The following ITGA9 variants were observed in gnomAD, a reference collection of about 807,000 sequenced individuals.
The protein encoded by ITGA9 is integrin subunit alpha 9.
Under a neutral mutation model 127.8 loss-of-function variants are expected in ITGA9, and 56 were observed. The ratio of observed to expected loss-of-function variants is 0.44; its 90% confidence interval spans 0.35 to 0.55. ITGA9 has a LOEUF of 0.55. Among genes scored for constraint, ITGA9 ranks in the 20% least tolerant of loss-of-function variants. The pLI, the probability that ITGA9 is intolerant of heterozygous loss-of-function variation, is 0.00. For missense variants in ITGA9, 1,196 were observed against 1,347.1 expected (o/e 0.89, Z 1.76); for synonymous variants, 508 against 514.5 (o/e 0.99, Z 0.17).
intron 25 of ITGA9, among the ~76,000 whole-genome samples, chr3:37,780,238 G>A (rs183744322): frequency 5.1e-4 from 78 of 152,182 alleles, no homozygotes; most frequent in Middle Eastern, 3.4e-3. Context: ...ATATTGTATC[G>A]TGATGAAATC....
chr3:37,465,255 T>G (rs1698356982), intron 1 of ITGA9, among the ~76,000 whole-genome samples: 1 of 152,164 alleles, frequency 6.6e-6, no homozygotes, highest in Non-Finnish European at 1.5e-5. Flanking sequence ...AGAATTTACC[T>G]GCAGATTACC....
chr3:37,556,209 C>T (rs1242903803), intron 15 of ITGA9, among the ~76,000 whole-genome samples: 2 of 152,202 alleles, frequency 1.3e-5, no homozygotes, highest in Non-Finnish European at 2.9e-5. Context: ...TTCACCTTTA[C>T]TGCTGAGCTT....
At chr3:37,732,881 TGAG>T in intron 19 of ITGA9, 83 bp downstream of exon 19, 2 of 1,058,674 alleles carry the variant, frequency 1.9e-6, no homozygotes, top group Non-Finnish European at 2.9e-6. Flanking sequence ...CTCCCTGAGG[TGAG>T]GAGTCCTCCC....
At chr3:37,562,644 G>A (rs74874065) in intron 15 of ITGA9, among the ~76,000 whole-genome samples, 125 of 152,264 alleles carry the variant, frequency 8.2e-4, no homozygotes, top group African/African-American at 2.8e-3. Context: ...CTCTTGGAGC[G>A]ATAGCTGGCT....
rs182756819 is a variant in ITGA9, at chr3:37,653,813, G to A, written c.1916+23G>A. The A allele has an allele frequency of 4.0e-3, 6,390 of 1,584,986 alleles. 30 individuals are homozygous for A. The highest frequency in any genetic ancestry group is 0.014 in the Middle Eastern group (86 of 6,012). On this transcript the variant is annotated intron_variant, in intron 17 of 27. Coordinates refer to ENST00000264741, the MANE Select transcript of ITGA9 (RefSeq NM_002207.3). ...CAGGTATGTCGGTGTTTCCTTCAGA[G>A]CATTGTTCTCAGGCTCCTTTTTCTT...
At position 37,707,792 on chromosome 3, in the gene ITGA9, G is replaced by A. The variant is rs6768282; in HGVS notation, c.2067+23777G>A. On this transcript the variant is annotated intron_variant, in intron 18 of 27. Transcript: ENST00000264741. ...GGATGTCAGTTCTACTTCTCCTTGG[G>A]GCTTTAACTAAAAAGGAAGAATTGT... Among the ~76,000 whole-genome samples, 1,063 of 152,176 alleles carry A rather than the reference G, an allele frequency of 7.0e-3. 15 individuals are homozygous for A. The highest frequency in any genetic ancestry group is 0.024 in the African/African-American group (993 of 41,498).
At position 37,736,103 on chromosome 3, in the gene ITGA9, C is replaced by A. The variant is rs151020754; in HGVS notation, c.2155-801C>A. On this transcript the variant is annotated intron_variant, in intron 19 of 27. Transcript: ENST00000264741. The stretch of plus-strand genomic sequence containing the variant: ...AGAGAGAGAGATCTCTTTGTCTTCT[C>A]TTCTTCTGAGTGCACTAATTCCATC... Among the ~76,000 whole-genome samples the A allele has an allele frequency of 1.7e-3, 266 of 152,298 alleles. 3 individuals are homozygous for A. The highest frequency in any genetic ancestry group is 6.2e-3 in the African/African-American group (258 of 41,556).
At chr3:37,488,705 C>T (rs560962465) in intron 4 of ITGA9, among the ~76,000 whole-genome samples, 7 of 150,712 alleles carry the variant, frequency 4.6e-5, no homozygotes, top group South Asian at 4.2e-4. Context: ...GGGTGAGGCA[C>T]GAGAATCACT....
intron 18 of ITGA9, among the ~76,000 whole-genome samples, chr3:37,730,261 A>C (rs754262138): frequency 1.3e-5 from 2 of 152,230 alleles, no homozygotes; most frequent in Non-Finnish European, 2.9e-5. Context: ...CCAGGAAACC[A>C]AGAGAACTAA....
chr3:37,582,754 T>C (rs2212035), intron 15 of ITGA9, among the ~76,000 whole-genome samples: 96,678 of 151,992 alleles, frequency 0.64, 31,065 homozygotes, highest in East Asian at 0.74. Context: ...GATTGGCTGA[T>C]TTTTGGACCC....
intron 15 of ITGA9, among the ~76,000 whole-genome samples, chr3:37,547,867 G>A (rs982740922): frequency 1.2e-4 from 19 of 152,192 alleles, no homozygotes; most frequent in Non-Finnish European, 1.8e-4. Flanking sequence ...AAGAAAGGAT[G>A]TCTTTCAGCT....
chr3:37,739,925 G>A (rs1416336761), intron 20 of ITGA9, among the ~76,000 whole-genome samples: 1 of 152,178 alleles, frequency 6.6e-6, no homozygotes, highest in Non-Finnish European at 1.5e-5. Flanking sequence ...GGGAAAGGAA[G>A]GACAAGGAAG....
intron 8 of ITGA9, among the ~76,000 whole-genome samples, chr3:37,511,100 G>A (rs755246290): frequency 2.0e-5 from 3 of 152,052 alleles, no homozygotes; most frequent in Non-Finnish European, 2.9e-5. Context: ...GCAAACCACC[G>A]GTTCACTTCT....
rs147698413 is a variant in ITGA9 at position 37,502,657 on chromosome 3, T to C, written c.613-521T>C. Among the ~76,000 whole-genome samples, 608 of 152,306 alleles carry C rather than the reference T, an allele frequency of 4.0e-3. 3 individuals are homozygous for C. Among genetic ancestry groups the C allele is most frequent in the African/African-American group, 0.014 (575 of 41,556 alleles). On this transcript the variant is annotated intron_variant, in intron 5 of 27. Transcript: ENST00000264741. ...GTGGACTGTAATGATCGGAAAACCA[T>C]GTTCTAGAACGTCCCTGAGAGGGTC...
intron 15 of ITGA9, among the ~76,000 whole-genome samples, chr3:37,542,843 T>C (rs1699288096): frequency 6.6e-6 from 1 of 152,150 alleles, no homozygotes; most frequent in Non-Finnish European, 1.5e-5. Flanking sequence ...CTTTGACTTG[T>C]TCTTTTGAGA....
At chr3:37,490,082 G>A (rs1698654558) in intron 4 of ITGA9, among the ~76,000 whole-genome samples, 1 of 152,044 alleles carries the variant, frequency 6.6e-6, no homozygotes, top group Non-Finnish European at 1.5e-5. Flanking sequence ...GTAGTTTGGT[G>A]GGAAGGGTGG....
At chr3:37,676,954 A>T (rs1183064125) in intron 17 of ITGA9, among the ~76,000 whole-genome samples, 1 of 152,230 alleles carries the variant, frequency 6.6e-6, no homozygotes, top group Non-Finnish European at 1.5e-5. Flanking sequence ...GCATTTTACA[A>T]GCAAGTGAGT....
At position 37,473,368 on chromosome 3, in the gene ITGA9, A is replaced by G. The variant is rs763382216; in HGVS notation, c.328A>G (p.Thr110Ala). 7 of 1,613,902 alleles carry G rather than the reference A, an allele frequency of 4.3e-6. No individual in the cohort carries two copies. Among genetic ancestry groups the G allele is most frequent in the Non-Finnish European group, 5.9e-6 (7 of 1,179,962 alleles). The change falls in exon 3 of 28, where the codon ACG (threonine) becomes GCG (alanine). Residue 110 changes from threonine to alanine, a missense_variant. Thr to Ala is a moderately conservative substitution (Grantham distance 58). Transcript: ENST00000264741. ...LDMARGKNRGTSCGKTCREDR... is the reference protein window; with the variant it reads ...LDMARGKNRGASCGKTCREDR... ...TCTTTCTCCAGGGAAGAATCGGGGC[A>G]CGTCCTGCGGAAAGACCTGCCGGGA...
Position 37,806,676 on chromosome 3 carries a change from C to T in ITGA9, c.3009+2734C>T, listed in dbSNP as rs1489325410. 6.6e-6 allele frequency: 1 copy of T among 152,276 alleles called. No homozygotes were observed. The highest frequency in any genetic ancestry group is 1.5e-5 in the Non-Finnish European group (1 of 68,086). 9.4% of individuals were successfully genotyped at this position (152,276 alleles called of 1,614,324 possible). ...GAGCCAGGACCTGAGAAGGCAGACT[C>T]TGCCCTCTGCCACAGACTGGGAGGG... On this transcript the variant is annotated intron_variant, in intron 27 of 27. Transcript: ENST00000264741. The surrounding 1 kb of genome is among the most constrained non-coding windows in gnomAD (Gnocchi z 4.3).
Sources: allele counts gnomAD v4.1 joint callset (sites outside exome capture counted in the v4.1 genomes callset), GRCh38; gene constraint gnomAD v4.1.1; non-coding constraint Gnocchi (gnomAD v3.1); transcripts MANE v1.5; gene names NCBI Gene and HGNC (gene_info 2026-07-23, HGNC 2026-07-21).